The following CTNNA3 variants were observed in gnomAD, a reference collection of about 807,000 sequenced individuals.
CTNNA3 encodes the protein catenin alpha 3.
A neutral mutation model predicts 95.7 loss-of-function variants in CTNNA3; 76 were observed. That is an observed-to-expected ratio of 0.79 (90% CI 0.66 to 0.96). The LOEUF is 0.96. Among genes scored for constraint, CTNNA3 ranks in the 40% least tolerant of loss-of-function variants. The pLI is 0.00. For missense variants in CTNNA3, 1,191 were observed against 1,089.8 expected (o/e 1.09, Z -1.31); for synonymous variants, 431 against 374.4 (o/e 1.15, Z -1.74).
chr10:66,585,698 C>G (rs548298839), intron 10 of CTNNA3, among the ~76,000 whole-genome samples: 1 of 151,976 alleles, frequency 6.6e-6, no homozygotes, highest in South Asian at 2.1e-4. Context: ...TCAACTTTCT[C>G]TTATGTCTCC....
At chr10:66,098,357 T>C (rs1402404217) in intron 14 of CTNNA3, among the ~76,000 whole-genome samples, 1 of 152,186 alleles carries the variant, frequency 6.6e-6, no homozygotes, top group East Asian at 1.9e-4. Flanking sequence ...TCCCAGTTAA[T>C]ATGGCTTGCA....
At chr10:66,855,642 A>C (rs1843658508) in intron 7 of CTNNA3, among the ~76,000 whole-genome samples, 1 of 152,036 alleles carries the variant, frequency 6.6e-6, no homozygotes, top group Admixed American at 6.6e-5. Flanking sequence ...ATTCCCCATT[A>C]GATCAAAGTG....
At chr10:66,760,735 C>A (rs1839568236) in intron 9 of CTNNA3, among the ~76,000 whole-genome samples, 1 of 152,084 alleles carries the variant, frequency 6.6e-6, no homozygotes, top group Non-Finnish European at 1.5e-5. Flanking sequence ...ACTCACCGTG[C>A]ATTTGGTTAG....
intron 10 of CTNNA3, among the ~76,000 whole-genome samples, chr10:66,590,233 G>A (rs556499546): frequency 6.6e-6 from 1 of 152,014 alleles, no homozygotes; most frequent in African/African-American, 2.4e-5. Flanking sequence ...TTACAAAGGA[G>A]GGACTGAAGA....
rs549267784 is a variant in CTNNA3, at chr10:67,605,820, G to A, written c.292+1037C>T. ...CAGCCTCCCAAGTTTACAGGCGCCT[G>A]CCACCACACCCAGCTAATTTTTGTG... On this transcript the variant is annotated intron_variant, in intron 3 of 17. Transcript: ENST00000433211. Among the ~76,000 whole-genome samples, 3 of 152,124 alleles carry A rather than the reference G, an allele frequency of 2.0e-5. No homozygotes were observed. In the South Asian group the frequency reaches 6.2e-4, roughly 32 times the overall value.
intron 10 of CTNNA3, among the ~76,000 whole-genome samples, chr10:66,617,205 T>C (rs534725554): frequency 2.6e-4 from 39 of 152,030 alleles, no homozygotes; most frequent in Admixed American, 6.6e-4. Context: ...CTAAAATAAA[T>C]AAATATGGTA....
At chr10:66,233,112 A>T (rs1265546218) in intron 13 of CTNNA3, among the ~76,000 whole-genome samples, 1 of 138,602 alleles carries the variant, frequency 7.2e-6, no homozygotes, top group Admixed American at 8.2e-5. Context: ...GTGAGCCGAG[A>T]TCGCGCCACT....
chr10:67,251,343 G>A (rs996105428), intron 5 of CTNNA3, among the ~76,000 whole-genome samples: 2 of 152,130 alleles, frequency 1.3e-5, no homozygotes, highest in African/African-American at 2.4e-5. Context: ...AGGAGTGACT[G>A]CTAATGGGTA....
intron 3 of CTNNA3, among the ~76,000 whole-genome samples, chr10:67,558,512 G>A (rs1258480849): frequency 5.3e-5 from 8 of 152,242 alleles, no homozygotes; most frequent in Non-Finnish European, 1.2e-4. Context: ...TGGCAGCCAA[G>A]ATGGCCGAAT....
intron 11 of CTNNA3, among the ~76,000 whole-genome samples, chr10:66,474,746 G>A (rs1479797673): frequency 6.6e-6 from 1 of 152,004 alleles, no homozygotes; most frequent in African/African-American, 2.4e-5. Flanking sequence ...ATTCTGAGGT[G>A]AAGTGGTATC....
chr10:66,514,408 TA>T (rs1840767868), intron 11 of CTNNA3, among the ~76,000 whole-genome samples: 1 of 152,144 alleles, frequency 6.6e-6, no homozygotes, highest in South Asian at 2.1e-4. Flanking sequence ...AAGAAAAATT[TA>T]AAATATAGAA....
At chr10:67,061,958 AT>A (rs112737379) in intron 7 of CTNNA3, among the ~76,000 whole-genome samples, 76,550 of 151,862 alleles carry the variant, frequency 0.5, 19,627 homozygotes, top group Middle Eastern at 0.64. Flanking sequence ...TGTAAAAAAA[AT>A]CAATCTTAGG....
chr10:67,115,192 T>C (rs1859111283), intron 7 of CTNNA3, among the ~76,000 whole-genome samples: 1 of 152,052 alleles, frequency 6.6e-6, no homozygotes, highest in African/African-American at 2.4e-5. Context: ...ATGGAAGCAA[T>C]TAATCTAACA....
rs1564842675 is a variant in CTNNA3 at position 67,732,906 on chromosome 10, ACAC to A, written c.-2+30525_-2+30527del. 4.6e-3 allele frequency among the ~76,000 whole-genome samples: 564 copies of A among 123,350 alleles called. 4 individuals carry two copies. Among genetic ancestry groups the A allele is most frequent in the African/African-American group, 0.025 (536 of 21,440 alleles). 80.9% of individuals were successfully genotyped at this position (123,350 alleles called of 152,430 possible). On this transcript the variant is annotated intron_variant, in intron 1 of 17. Transcript: ENST00000684154. ...CTCACGCACACACACACACACACAC[ACAC>A]ACATTCTCTCTCTCAAGACTCCGTT...
At chr10:67,480,221 G>C (rs148336125) in intron 5 of CTNNA3, among the ~76,000 whole-genome samples, 30 of 152,240 alleles carry the variant, frequency 2.0e-4, no homozygotes, top group Middle Eastern at 3.4e-3. Flanking sequence ...GAAGGGATAG[G>C]ACTCCTTTCT....
At chr10:67,703,033 G>A (rs1285917298) in intron 1 of CTNNA3, among the ~76,000 whole-genome samples, 2 of 152,106 alleles carry the variant, frequency 1.3e-5, no homozygotes, top group East Asian at 1.9e-4. Flanking sequence ...TAGAAGAAAC[G>A]GATAAATTCC....
chr10:67,744,569 A>G (rs866205029), intron 1 of CTNNA3, among the ~76,000 whole-genome samples: 3 of 151,184 alleles, frequency 2.0e-5, no homozygotes, highest in Admixed American at 2.0e-4. Flanking sequence ...AACTTAGGCA[A>G]TACCATTCAG....
At chr10:66,344,559 G>A (rs1409396845) in intron 12 of CTNNA3, among the ~76,000 whole-genome samples, 3 of 151,912 alleles carry the variant, frequency 2.0e-5, no homozygotes, top group Non-Finnish European at 4.4e-5. Flanking sequence ...GAGCCACTGG[G>A]CCCAGCCTGT....
chr10:67,439,263 C>A (rs983755149), intron 5 of CTNNA3, among the ~76,000 whole-genome samples: 1 of 152,066 alleles, frequency 6.6e-6, no homozygotes, highest in Non-Finnish European at 1.5e-5. Context: ...CCTGTTCTTG[C>A]ATTGTGATAA....
Sources: gnomAD v4.1 joint callset for allele counts (sites outside exome capture counted in the v4.1 genomes callset) on GRCh38, gnomAD v4.1.1 for gene constraint, MANE v1.5 for transcripts, NCBI Gene and HGNC (gene_info 2026-07-23, HGNC 2026-07-21) for gene names.